Variants in KCNIP4 observed in about 807,000 individuals in gnomAD.
The protein encoded by KCNIP4 is Kv channel-interacting protein 4.
A neutral mutation model predicts 34.0 loss-of-function variants in KCNIP4; 12 were observed. The observed-to-expected ratio is 0.35, with a 90% CI of 0.23 to 0.57. The LOEUF (loss-of-function observed/expected upper bound fraction) is 0.57, where lower values mean the gene tolerates loss of function less well. Ranked by LOEUF, KCNIP4 falls within the 20% of genes least tolerant of loss-of-function variation. The pLI is 0.83. For missense variants in KCNIP4, 238 were observed against 311.7 expected (o/e 0.76, Z 1.78); for synonymous variants, 124 against 102.2 (o/e 1.21, Z -1.29).
chr4:20,806,112 A>G (rs1715047541), intron 3 of KCNIP4, among the ~76,000 whole-genome samples: 1 of 152,040 alleles, frequency 6.6e-6, no homozygotes, highest in Admixed American at 6.6e-5. Context: ...TGCCTGTTCT[A>G]CATTTTAATT....
At chr4:21,177,498 A>C (rs1321439226) in intron 1 of KCNIP4, among the ~76,000 whole-genome samples, 1 of 152,266 alleles carries the variant, frequency 6.6e-6, no homozygotes. Flanking sequence ...TAAATGCGTA[A>C]GTAAATATTT....
intron 1 of KCNIP4, among the ~76,000 whole-genome samples, chr4:20,921,136 G>A (rs1310643987): frequency 1.3e-5 from 2 of 152,192 alleles, no homozygotes; most frequent in Non-Finnish European, 2.9e-5. Flanking sequence ...ACAAGAAAAT[G>A]TACTGGTGAT....
At chr4:20,961,402 G>A (rs559750368) in intron 1 of KCNIP4, among the ~76,000 whole-genome samples, 1 of 152,162 alleles carries the variant, frequency 6.6e-6, no homozygotes, top group South Asian at 2.1e-4. Context: ...GAGTTTAAAA[G>A]AATCTTATGG....
chr4:21,109,851 T>C (rs945420569), intron 1 of KCNIP4, among the ~76,000 whole-genome samples: 19 of 152,142 alleles, frequency 1.2e-4, no homozygotes, highest in African/African-American at 4.3e-4. Flanking sequence ...TTTTAGAAAG[T>C]CTCTCTTTGC....
chr4:21,564,572 T>C (rs1366781344), intron 1 of KCNIP4, among the ~76,000 whole-genome samples: 1 of 152,106 alleles, frequency 6.6e-6, no homozygotes, highest in East Asian at 1.9e-4. Flanking sequence ...TCTAAGAGCA[T>C]AGCTATAATT....
At chr4:21,054,006 ATGATTT>A (rs60813490) in intron 1 of KCNIP4, among the ~76,000 whole-genome samples, 47 of 72,356 alleles carry the variant, frequency 6.5e-4, no homozygotes, top group African/African-American at 3.3e-3. Context: ...TATTGACAAA[ATGATTT>A]TGTAGATATT....
intron 1 of KCNIP4, among the ~76,000 whole-genome samples, chr4:21,689,938 C>T (rs1751133174): frequency 6.6e-6 from 1 of 151,754 alleles, no homozygotes; most frequent in African/African-American, 2.4e-5. Context: ...TGAACATTAG[C>T]CCCAAATAAA....
intron 3 of KCNIP4, among the ~76,000 whole-genome samples, chr4:20,759,381 T>TG (rs1226692303): frequency 6.6e-6 from 1 of 152,270 alleles, no homozygotes; most frequent in East Asian, 1.9e-4. Flanking sequence ...GTTAACAGGA[T>TG]GTCTAGGCAT....
chr4:21,423,563 A>T (rs1261821976), intron 1 of KCNIP4, among the ~76,000 whole-genome samples: 1 of 152,234 alleles, frequency 6.6e-6, no homozygotes, highest in Non-Finnish European at 1.5e-5. Flanking sequence ...ATTAGTGATT[A>T]ACTTCTAACA....
At chr4:21,239,881 C>A (rs1759672212) in intron 1 of KCNIP4, among the ~76,000 whole-genome samples, 1 of 152,084 alleles carries the variant, frequency 6.6e-6, no homozygotes, top group Non-Finnish European at 1.5e-5. Context: ...TGGGTATATA[C>A]CCAAAGGACT....
chr4:21,647,966 C>T (rs1435040527), intron 1 of KCNIP4, among the ~76,000 whole-genome samples: 1 of 146,676 alleles, frequency 6.8e-6, no homozygotes, highest in Non-Finnish European at 1.5e-5. Flanking sequence ...CTCCATCTCC[C>T]GGGTTCACGC....
At chr4:21,718,043 TAAAA>T (rs990264588) in intron 1 of KCNIP4, among the ~76,000 whole-genome samples, 1 of 152,096 alleles carries the variant, frequency 6.6e-6, no homozygotes, top group Non-Finnish European at 1.5e-5. Flanking sequence ...GGGGCAAAAA[TAAAA>T]AACCATACAT....
Position 21,242,375 on chromosome 4 carries a change from A to AT in KCNIP4, c.62-359667dup, listed in dbSNP as rs561560294. Reference sequence around the variant, plus strand: ...TTAAGACCTTGAGCAAATACAATGCATTTTTTTGAGACTGCCTTATCAGCG... The same window carrying AT: ...TTAAGACCTTGAGCAAATACAATGCATTTTTTTTGAGACTGCCTTATCAGCG... On this transcript the variant is annotated intron_variant, in intron 1 of 8. Coordinates refer to ENST00000382152, the MANE Select transcript of KCNIP4 (RefSeq NM_025221.6). 2.1e-3 allele frequency among the ~76,000 whole-genome samples: 322 copies of AT among 152,124 alleles called. 1 individual carries two copies. The highest frequency in any genetic ancestry group is 6.9e-3 in the African/African-American group (287 of 41,508).
intron 1 of KCNIP4, among the ~76,000 whole-genome samples, chr4:21,322,242 A>G (rs1405222259): frequency 1.3e-5 from 2 of 152,186 alleles, no homozygotes; most frequent in African/African-American, 2.4e-5. Context: ...TATAAGAAAT[A>G]GATTTCTGGC....
intron 3 of KCNIP4, among the ~76,000 whole-genome samples, chr4:20,810,990 A>G (rs1056573006): frequency 2.6e-5 from 4 of 152,188 alleles, no homozygotes; most frequent in East Asian, 1.9e-4. Context: ...TGAACTCAGC[A>G]TATGTGGGAA....
chr4:21,016,215 G>A (rs1029980867), intron 1 of KCNIP4, among the ~76,000 whole-genome samples: 4 of 151,008 alleles, frequency 2.6e-5, no homozygotes, highest in South Asian at 4.2e-4. Context: ...GGCTTAGGTC[G>A]CTGACAATAT....
intron 1 of KCNIP4, among the ~76,000 whole-genome samples, chr4:21,676,476 C>A (rs1749908368): frequency 6.6e-6 from 1 of 152,172 alleles, no homozygotes; most frequent in African/African-American, 2.4e-5. Flanking sequence ...AACAGGAGAT[C>A]CTACTTTCCT....
chr4:21,576,738 T>C (rs1295429578), intron 1 of KCNIP4, among the ~76,000 whole-genome samples: 2 of 152,170 alleles, frequency 1.3e-5, no homozygotes, highest in Non-Finnish European at 2.9e-5. Flanking sequence ...CTCTTAACCC[T>C]GACCTCATAA....
At chr4:21,308,235 T>G (rs60049013) in intron 1 of KCNIP4, among the ~76,000 whole-genome samples, 8,259 of 152,266 alleles carry the variant, frequency 0.054, 564 homozygotes, top group East Asian at 0.17. Flanking sequence ...TACTTAAACT[T>G]GCTAAGCTTT....
Sources: allele counts gnomAD v4.1 joint callset (sites outside exome capture counted in the v4.1 genomes callset), GRCh38; gene constraint gnomAD v4.1.1; transcripts MANE v1.5; gene names NCBI Gene and HGNC (gene_info 2026-07-23, HGNC 2026-07-21).